The following PRKG1 variants were observed in gnomAD, a reference collection of about 807,000 sequenced individuals.
The protein encoded by PRKG1 is cGMP-dependent protein kinase 1.
A neutral mutation model predicts 88.1 loss-of-function variants in PRKG1; 35 were observed. That is an observed-to-expected ratio of 0.40 (90% CI 0.30 to 0.53). PRKG1 has a LOEUF of 0.53. PRKG1 is among the 20% of genes least tolerant of loss of function. The pLI, the probability that PRKG1 is intolerant of heterozygous loss-of-function variation, is 0.59. For synonymous variants in PRKG1, 303 were observed against 292.5 expected, an observed-to-expected ratio of 1.04 and a Z score of -0.37; for missense variants, 540 against 839.8, an observed-to-expected ratio of 0.64 and a Z score of 4.41.
chr10:51,842,110 C>A, intron 4 of PRKG1, among the ~76,000 whole-genome samples: 1 of 152,316 alleles, frequency 6.6e-6, no homozygotes, highest in South Asian at 2.1e-4. Flanking sequence ...CCCTCGCTGG[C>A]TAAGTGGGTC....
chr10:51,137,231 T>TGGGGGCAGGGTG (rs1845709634), intron 1 of PRKG1, among the ~76,000 whole-genome samples: 4 of 151,740 alleles, frequency 2.6e-5, no homozygotes, highest in Non-Finnish European at 5.9e-5. Flanking sequence ...ACTATGGCCG[T>TGGGGGCAGGGTG]GGGGGCAGGG....
intron 3 of PRKG1, among the ~76,000 whole-genome samples, chr10:51,484,109 G>T (rs1840453364): frequency 1.3e-5 from 2 of 152,142 alleles, no homozygotes; most frequent in Non-Finnish European, 2.9e-5. Flanking sequence ...TGGATGAGCT[G>T]AATTAACTTG....
At chr10:51,539,761 G>T (rs759041289) in intron 3 of PRKG1, among the ~76,000 whole-genome samples, 2 of 152,120 alleles carry the variant, frequency 1.3e-5, no homozygotes, top group Non-Finnish European at 2.9e-5. Context: ...AGGATGAAAT[G>T]AATTTTTTGT....
chr10:51,658,337 A>G (rs554663623), intron 3 of PRKG1, among the ~76,000 whole-genome samples: 9 of 152,218 alleles, frequency 5.9e-5, no homozygotes, highest in Non-Finnish European at 1.2e-4. Flanking sequence ...AGTCACCTAG[A>G]TTAAAATACT....
At position 51,937,059 on chromosome 10, in the gene PRKG1, A is replaced by G. The variant is rs191823102; in HGVS notation, c.762+29489A>G. Among the ~76,000 whole-genome samples, 266 of 152,138 alleles carry G rather than the reference A, an allele frequency of 1.7e-3. 1 individual carries two copies. Among genetic ancestry groups the G allele is most frequent in the Middle Eastern group, 3.4e-3 (1 of 294 alleles). Reference sequence around the variant, plus strand: ...TTAGTTAGCAGGAGTGCCTTCTTTTAAAATTTAGCTTTACACTCTAGAGTT... The same window carrying G: ...TTAGTTAGCAGGAGTGCCTTCTTTTGAAATTTAGCTTTACACTCTAGAGTT... On this transcript the variant is annotated intron_variant, in intron 5 of 17. Coordinates refer to ENST00000373980, the MANE Select transcript of PRKG1 (RefSeq NM_006258.4).
intron 3 of PRKG1, among the ~76,000 whole-genome samples, chr10:51,638,333 C>T (rs1000650183): frequency 1.3e-5 from 2 of 152,164 alleles, no homozygotes; most frequent in East Asian, 1.9e-4. Flanking sequence ...CCAAGCAATT[C>T]TCACAGTGCT....
intron 3 of PRKG1, among the ~76,000 whole-genome samples, chr10:51,609,330 T>G (rs1291848079): frequency 1.3e-5 from 2 of 152,164 alleles, no homozygotes; most frequent in African/African-American, 2.4e-5. Context: ...CCATTCATTG[T>G]AAGTGCTCTA....
At chr10:51,769,474 A>C (rs560577426) in intron 3 of PRKG1, among the ~76,000 whole-genome samples, 3 of 152,184 alleles carry the variant, frequency 2.0e-5, no homozygotes, top group Admixed American at 6.6e-5. Context: ...TATTGAGAGG[A>C]TTCTTGCCAC....
chr10:51,643,025 G>C (rs189135484), intron 3 of PRKG1, among the ~76,000 whole-genome samples: 1 of 151,962 alleles, frequency 6.6e-6, no homozygotes, highest in Non-Finnish European at 1.5e-5. Context: ...AATTTATTCT[G>C]ACAAGAAAGC....
chr10:51,273,967 T>C (rs190959841), intron 2 of PRKG1, among the ~76,000 whole-genome samples: 89 of 152,356 alleles, frequency 5.8e-4, no homozygotes, highest in African/African-American at 2.1e-3. Context: ...ATGGAATGTG[T>C]ACAAATCTCC....
At chr10:52,276,694 G>T (rs1841881751) in intron 12 of PRKG1, among the ~76,000 whole-genome samples, 1 of 152,098 alleles carries the variant, frequency 6.6e-6, no homozygotes. Context: ...GCTATATAAG[G>T]CAAGTGATTT....
At chr10:52,038,623 G>A (rs1165521414) in intron 5 of PRKG1, among the ~76,000 whole-genome samples, 1 of 152,126 alleles carries the variant, frequency 6.6e-6, no homozygotes, top group Non-Finnish European at 1.5e-5. Flanking sequence ...GACAAGGAGA[G>A]AAGGGGTTGA....
Position 51,752,895 on chromosome 10 carries a change from G to A in PRKG1, c.593-51690G>A, listed in dbSNP as rs147428391. 3.2e-3 allele frequency among the ~76,000 whole-genome samples: 485 copies of A among 152,170 alleles called. 3 individuals carry two copies. Among genetic ancestry groups the A allele is most frequent in the African/African-American group, 0.011 (454 of 41,534 alleles). On this transcript the variant is annotated intron_variant, in intron 3 of 17. Coordinates refer to ENST00000373980, the MANE Select transcript of PRKG1 (RefSeq NM_006258.4). ...GAGTAGTTCCTACACAATTGTAGCT[G>A]CAACTGTTCTAAGCATAGCCTAAGA...
intron 6 of PRKG1, among the ~76,000 whole-genome samples, chr10:52,057,707 A>C (rs1408037807): frequency 1.3e-5 from 2 of 152,190 alleles, no homozygotes; most frequent in Non-Finnish European, 2.9e-5. Context: ...AATGGCATTT[A>C]AAATCACATG....
At chr10:51,237,158 C>T (rs1173477388) in intron 2 of PRKG1, among the ~76,000 whole-genome samples, 2 of 152,176 alleles carry the variant, frequency 1.3e-5, no homozygotes, top group African/African-American at 4.8e-5. Flanking sequence ...GCAAGTCATC[C>T]CTGTAATTCA....
intron 3 of PRKG1, among the ~76,000 whole-genome samples, chr10:51,704,078 A>T (rs1041707943): frequency 4.0e-5 from 6 of 150,014 alleles, no homozygotes; most frequent in Admixed American, 2.7e-4. Flanking sequence ...CGGGATGTGG[A>T]TGTTGCAGTG....
intron 1 of PRKG1, among the ~76,000 whole-genome samples, 175 bp from the exon 2 acceptor site, chr10:51,152,989 T>G (rs1485517692): frequency 2.0e-5 from 3 of 148,496 alleles, no homozygotes; most frequent in East Asian, 1.9e-4. Flanking sequence ...TTTTTTTTTT[T>G]TTTTGTTTTG....
Position 51,790,909 on chromosome 10 carries a change from GTC to G in PRKG1, c.593-13672_593-13671del, listed in dbSNP as rs575300175. Among the ~76,000 whole-genome samples the G allele has an allele frequency of 3.2e-3, 482 of 152,190 alleles. 5 individuals carry two copies. Among genetic ancestry groups the G allele is most frequent in the Non-Finnish European group, 5.6e-3 (383 of 67,980 alleles). On this transcript the variant is annotated intron_variant, in intron 3 of 17. Transcript: ENST00000373980. ...ATTTACCATCCAATTCAGTAATCCT[GTC>G]TCTGTTATTTTATTAGTTGGTCTAC...
At chr10:52,046,311 C>T (rs776650880) in intron 5 of PRKG1, among the ~76,000 whole-genome samples, 1 of 152,034 alleles carries the variant, frequency 6.6e-6, no homozygotes. Flanking sequence ...ATCTGAGCAC[C>T]TTTACATTTG....
Sources: allele counts gnomAD v4.1 joint callset (sites outside exome capture counted in the v4.1 genomes callset), GRCh38; gene constraint gnomAD v4.1.1; transcripts MANE v1.5; gene names NCBI Gene and HGNC (gene_info 2026-07-23, HGNC 2026-07-21).